The following LARS2 variants were observed in gnomAD, a reference collection of about 807,000 sequenced individuals.
LARS2 encodes leucine--tRNA ligase, mitochondrial.
A neutral mutation model predicts 116.6 loss-of-function variants in LARS2; 81 were observed. That is an observed-to-expected ratio of 0.69 (90% confidence interval 0.58 to 0.84). The LOEUF (loss-of-function observed/expected upper bound fraction) is 0.84. LARS2 is among the 40% of genes least tolerant of loss of function. The pLI is 0.00. For missense variants in LARS2, 968 were observed against 1,114.5 expected, an observed-to-expected ratio of 0.87 and a Z score of 1.87; for synonymous variants, 396 against 407.2, an observed-to-expected ratio of 0.97 and a Z score of 0.33.
chr3:45,504,359 T>C (rs1575299079), intron 15 of LARS2, among the ~76,000 whole-genome samples: 1 of 152,066 alleles, frequency 6.6e-6, no homozygotes, highest in Non-Finnish European at 1.5e-5. Context: ...TGAAGCACAT[T>C]GAAAGCTCCT....
chr3:45,400,138 C>A, intron 3 of LARS2, 107 bp from the exon 4 acceptor site: 1 of 1,105,482 alleles, frequency 9.0e-7, no homozygotes, highest in Non-Finnish European at 1.3e-6. Context: ...TAAAAGGAAA[C>A]TTTTAAAATG....
chr3:45,425,472 A>C (rs1319512126), intron 6 of LARS2, among the ~76,000 whole-genome samples: 1 of 152,182 alleles, frequency 6.6e-6, no homozygotes, highest in Non-Finnish European at 1.5e-5. Context: ...GCTGCGGAAG[A>C]GTTTGTTTGT....
Position 45,488,757 on chromosome 3 carries a change from C to G in LARS2, c.1184C>G (p.Ser395Cys), listed in dbSNP as rs1023991496. 1.9e-6 allele frequency: 3 copies of G among 1,613,932 alleles called. No individual in the cohort carries two copies. In the African/African-American group the frequency reaches 4.0e-5, roughly 22 times the overall value. The change falls in exon 12 of 22, where the codon TCT becomes TGT. Residue 395 changes from serine to cysteine, a missense_variant. Transcript: ENST00000645846. ...GCCCAAACCCTGGGCCTGGCCTACT[C>G]TGAAGTCATTGAAACTTTGCCAGAT... is the stretch of plus-strand genomic sequence containing the variant. ...ILAQTLGLAY[S>C]EVIETLPDGT...
chr3:45,434,892 C>A (rs1698774892), intron 6 of LARS2, among the ~76,000 whole-genome samples: 1 of 152,126 alleles, frequency 6.6e-6, no homozygotes, highest in African/African-American at 2.4e-5. Context: ...CCAGTATCAC[C>A]CTGACTGTGA....
intron 6 of LARS2, among the ~76,000 whole-genome samples, chr3:45,442,671 G>A (rs371660080): frequency 4.1e-4 from 63 of 152,206 alleles, no homozygotes; most frequent in African/African-American, 1.5e-3. Context: ...CTTGGTGGTC[G>A]CATCATGCAG....
At chr3:45,538,760 C>G (rs912316639) in intron 20 of LARS2, among the ~76,000 whole-genome samples, 5 of 152,160 alleles carry the variant, frequency 3.3e-5, no homozygotes, top group Admixed American at 2.6e-4. Context: ...GGCACTGGCA[C>G]AAGAACCAAG....
At chr3:45,420,308 C>G (rs1048616489) in intron 6 of LARS2, among the ~76,000 whole-genome samples, 2 of 152,182 alleles carry the variant, frequency 1.3e-5, no homozygotes, top group Non-Finnish European at 1.5e-5. Context: ...GTGAACTGGG[C>G]CCTTCAAAGC....
chr3:45,533,564 C>T (rs1433331612), intron 20 of LARS2, among the ~76,000 whole-genome samples: 2 of 152,090 alleles, frequency 1.3e-5, no homozygotes, highest in Non-Finnish European at 2.9e-5. Context: ...ATATTTCGCC[C>T]GTTCATCTTC....
At chr3:45,509,787 G>A (rs1468497015) in intron 15 of LARS2, among the ~76,000 whole-genome samples, 1 of 151,976 alleles carries the variant, frequency 6.6e-6, no homozygotes, top group East Asian at 1.9e-4. Flanking sequence ...TCTAGGAGCT[G>A]GGAAGCGCCC....
chr3:45,403,397 A>C (rs2125677656), intron 4 of LARS2, among the ~76,000 whole-genome samples: 1 of 151,234 alleles, frequency 6.6e-6, no homozygotes, highest in East Asian at 2.0e-4. Context: ...GCTCACTGCA[A>C]CCTCTGCCTC....
At chr3:45,457,151 G>A (rs1699226604) in intron 7 of LARS2, among the ~76,000 whole-genome samples, 1 of 152,214 alleles carries the variant, frequency 6.6e-6, no homozygotes, top group African/African-American at 2.4e-5. Flanking sequence ...TTAGCAGCAC[G>A]GGAGACCTGC....
intron 16 of LARS2, among the ~76,000 whole-genome samples, chr3:45,514,366 C>CCAGCCAAACATTT (rs1700339553): frequency 6.6e-6 from 1 of 152,164 alleles, no homozygotes; most frequent in African/African-American, 2.4e-5. Context: ...GGCAGCCTCT[C>CCAGCCAAACATTT]CAGCCAAACA....
At chr3:45,510,038 C>T (rs1268677086) in intron 15 of LARS2, among the ~76,000 whole-genome samples, 1 of 152,002 alleles carries the variant, frequency 6.6e-6, no homozygotes, top group Non-Finnish European at 1.5e-5. Context: ...TTTATTCATC[C>T]ACTGAAACAA....
At chr3:45,410,899 T>C (rs895846947) in intron 4 of LARS2, among the ~76,000 whole-genome samples, 1 of 152,198 alleles carries the variant, frequency 6.6e-6, no homozygotes, top group Non-Finnish European at 1.5e-5. Flanking sequence ...CAGAACAGTT[T>C]CCTAGAAGGG....
intron 4 of LARS2, among the ~76,000 whole-genome samples, chr3:45,407,459 G>A (rs971694230): frequency 1.3e-5 from 2 of 152,196 alleles, no homozygotes; most frequent in African/African-American, 4.8e-5. Context: ...TTATCTGCCT[G>A]TCACATTCCT....
At chr3:45,469,396 A>T (rs1188748157) in intron 8 of LARS2, among the ~76,000 whole-genome samples, 1 of 152,072 alleles carries the variant, frequency 6.6e-6, no homozygotes. Flanking sequence ...CCCAGGCTGG[A>T]GTACAATTGC....
At chr3:45,458,021 C>T (rs1313889843) in intron 7 of LARS2, among the ~76,000 whole-genome samples, 1 of 152,156 alleles carries the variant, frequency 6.6e-6, no homozygotes, top group Non-Finnish European at 1.5e-5. Flanking sequence ...TGTGCTTTAT[C>T]TTGAAATGAG....
chr3:45,527,162 T>C (rs1172524144), intron 20 of LARS2, among the ~76,000 whole-genome samples: 1 of 152,138 alleles, frequency 6.6e-6, no homozygotes, highest in African/African-American at 2.4e-5. Context: ...AATTTGGGTT[T>C]ATTACCGGGG....
At position 45,436,487 on chromosome 3, in the gene LARS2, A is replaced by G. The variant is rs139936924; in HGVS notation, c.517-10404A>G. The stretch of plus-strand genomic sequence containing the variant: ...TTTAATGGAGGGTTTTCTCTTCCCA[A>G]CTGTCTAGTTAGAAAAGCCGTTTGT... On this transcript the variant is annotated intron_variant, in intron 6 of 21. Coordinates refer to ENST00000645846, the MANE Select transcript of LARS2 (RefSeq NM_015340.4). Among the ~76,000 whole-genome samples the G allele has an allele frequency of 2.8e-3, 433 of 152,342 alleles. 6 individuals are homozygous for G. The highest frequency in any genetic ancestry group is 9.9e-3 in the African/African-American group (410 of 41,588).
Sources: gnomAD v4.1 joint callset for allele counts (sites outside exome capture counted in the v4.1 genomes callset) on GRCh38, gnomAD v4.1.1 for gene constraint, MANE v1.5 for transcripts, NCBI Gene and HGNC (gene_info 2026-07-23, HGNC 2026-07-21) for gene names.